The following CYP39A1 variants were observed in gnomAD, a reference collection of about 807,000 sequenced individuals.
CYP39A1 encodes 24-hydroxycholesterol 7-alpha-hydroxylase.
In CYP39A1, 49 loss-of-function variants were observed where a neutral mutation model predicts 58.1. The ratio of observed to expected loss-of-function variants is 0.84; its 90% CI spans 0.67 to 1.07. The LOEUF (loss-of-function observed/expected upper bound fraction) is 1.07. Among genes scored for constraint, CYP39A1 ranks in the 50% least tolerant of loss-of-function variants. The pLI is 0.00. For missense variants in CYP39A1, 531 were observed against 539.4 expected (o/e 0.98, Z 0.16); for synonymous variants, 209 against 187.6 (o/e 1.11, Z -0.93).
At chr6:46,636,290 G>T (rs1226889960) in intron 5 of CYP39A1, 99 bp downstream of exon 5, 2 of 789,486 alleles carry the variant, frequency 2.5e-6, no homozygotes, top group Non-Finnish European at 4.1e-6. Context: ...ACACAAAAAT[G>T]GTATCTAATC....
At chr6:46,584,827 C>A (rs1449889948) in intron 10 of CYP39A1, among the ~76,000 whole-genome samples, 1 of 152,148 alleles carries the variant, frequency 6.6e-6, no homozygotes, top group Non-Finnish European at 1.5e-5. Flanking sequence ...CTTCTGAGAG[C>A]ATCTTGACCA....
chr6:46,560,554 G>A (rs1179539938), intron 10 of CYP39A1, among the ~76,000 whole-genome samples: 1 of 152,144 alleles, frequency 6.6e-6, no homozygotes, highest in African/African-American at 2.4e-5. Context: ...GTAATCTGGA[G>A]CTCAGTTTTG....
At chr6:46,578,309 T>C (rs1378105874) in intron 10 of CYP39A1, among the ~76,000 whole-genome samples, 4 of 151,986 alleles carry the variant, frequency 2.6e-5, no homozygotes, top group Non-Finnish European at 5.9e-5. Context: ...ACCAAATGCC[T>C]ACAACAAGAA....
At chr6:46,648,542 A>G (rs1762475692) in intron 1 of CYP39A1, among the ~76,000 whole-genome samples, 1 of 131,798 alleles carries the variant, frequency 7.6e-6, no homozygotes, top group African/African-American at 2.8e-5. Context: ...GGGGGGAGGG[A>G]TAGCATTAGG....
intron 10 of CYP39A1, among the ~76,000 whole-genome samples, chr6:46,576,125 G>C (rs1771831868): frequency 6.6e-6 from 1 of 152,080 alleles, no homozygotes; most frequent in African/African-American, 2.4e-5. Flanking sequence ...GAAAGAGATG[G>C]GGGATGTGCT....
At chr6:46,639,425 A>C in intron 3 of CYP39A1, 69 bp downstream of exon 3, 2 of 1,445,358 alleles carry the variant, frequency 1.4e-6, no homozygotes, top group South Asian at 2.4e-5. Context: ...TTGAAGTCCA[A>C]TCTATAGGTT....
intron 7 of CYP39A1, among the ~76,000 whole-genome samples, chr6:46,611,493 A>T (rs1774209873): frequency 2.0e-5 from 3 of 152,170 alleles, no homozygotes; most frequent in Admixed American, 1.3e-4. Flanking sequence ...AATATCCCAA[A>T]TCCCATTCTA....
At chr6:46,633,279 T>C (rs562337652) in intron 5 of CYP39A1, among the ~76,000 whole-genome samples, 6 of 152,358 alleles carry the variant, frequency 3.9e-5, no homozygotes, top group African/African-American at 1.2e-4. Context: ...ACAAAGTTTA[T>C]ACCTCATGAA....
At position 46,592,046 on chromosome 6, in the gene CYP39A1, T is replaced by C. The variant is rs76193682; in HGVS notation, c.1066-3917A>G. Among the ~76,000 whole-genome samples, 54 of 152,270 alleles carry C rather than the reference T, an allele frequency of 3.5e-4. 1 individual carries two copies. The highest frequency in any genetic ancestry group is 7.5e-4 in the Non-Finnish European group (51 of 68,006). On this transcript the variant is annotated intron_variant, in intron 8 of 11. Transcript: ENST00000275016. ...TGAAGATAAACTTTTCTACTAAACA[T>C]ATAAAACCTTGAAAAGAGAACACAG... is the stretch of plus-strand genomic sequence containing the variant.
At chr6:46,628,598 C>G (rs1775462422) in intron 6 of CYP39A1, among the ~76,000 whole-genome samples, 1 of 152,186 alleles carries the variant, frequency 6.6e-6, no homozygotes, top group South Asian at 2.1e-4. Context: ...CCTAACCCAT[C>G]TGAAGCCTGA....
At chr6:46,630,901 A>G (rs1289214431) in intron 6 of CYP39A1, 62 bp downstream of exon 6, 2 of 1,192,042 alleles carry the variant, frequency 1.7e-6, no homozygotes, top group African/African-American at 1.5e-5. Flanking sequence ...ACAGAAATGA[A>G]GGAAAAAAAG....
At chr6:46,586,550 G>T in intron 10 of CYP39A1, 2 of 985,444 alleles carry the variant, frequency 2.0e-6, no homozygotes, top group Non-Finnish European at 2.4e-6. Context: ...ACTTGCATTA[G>T]AACAGGGTAT....
chr6:46,556,016 G>GA (rs1293484053), intron 10 of CYP39A1, among the ~76,000 whole-genome samples: 2 of 152,124 alleles, frequency 1.3e-5, no homozygotes, highest in Non-Finnish European at 2.9e-5. Context: ...ATGTTTCTAA[G>GA]AAAAAACAAC....
Position 46,639,522 on chromosome 6 carries a change from C to T in CYP39A1, c.460G>A (p.Gly154Arg). The T allele has an allele frequency of 6.2e-7, 1 of 1,614,092 alleles. No individual in the cohort carries two copies. Among genetic ancestry groups the T allele is most frequent in the Non-Finnish European group, 8.5e-7 (1 of 1,180,000 alleles). ...HEQLENLGTH[G>R]TMDLNNLVRH... ...ACTAAGTTGTTCAGGTCCATTGTCC[C>T]ATGAGTGCCTAAATTCTCCAGTTGT... The change falls in exon 3 of 12, where the codon GGG becomes AGG. Residue 154 changes from glycine (G) to arginine (R), a missense_variant. Physicochemically the swap from Gly to Arg is moderately radical, Grantham distance 125 (BLOSUM62 -2). Coordinates refer to ENST00000275016, the MANE Select transcript of CYP39A1 (RefSeq NM_016593.5).
In CYP39A1 at chr6:46,639,777, C is replaced by T. The variant is rs188984514; in HGVS notation, c.314-109G>A. ...GCAGGGACTACAGCCAAAGTCCTCT[C>T]AGTACATAAGGTCACCTCCCATAAA... On this transcript the variant is annotated intron_variant, in intron 2 of 11. Transcript: ENST00000275016. 3 of 845,434 alleles carry T rather than the reference C, an allele frequency of 3.5e-6. No individual in the cohort carries two copies. The Admixed American group carries it at 8.2e-5, about 23-fold the overall frequency. 52.4% of individuals were successfully genotyped at this position (845,434 alleles called of 1,614,324 possible).
chr6:46,637,174 T>C (rs1310924798), intron 4 of CYP39A1, among the ~76,000 whole-genome samples: 1 of 152,116 alleles, frequency 6.6e-6, no homozygotes, highest in Non-Finnish European at 1.5e-5. Flanking sequence ...GGCCCGCTCA[T>C]TTCAGACCCC....
rs865898321 is a variant in CYP39A1, at chr6:46,616,234, C to T, written c.931+9184G>A. Among the ~76,000 whole-genome samples the T allele has an allele frequency of 2.2e-3, 78 of 35,742 alleles. 8 individuals carry two copies. The highest frequency in any genetic ancestry group is 9.6e-3 in the African/African-American group (52 of 5,394). The allele number at this position is 35,742 out of a possible 152,430, so 23.4% of individuals were successfully genotyped here. A position where few individuals can be genotyped will look rare whatever the true frequency, so the allele number is the denominator to read the frequency against. On this transcript the variant is annotated intron_variant, in intron 7 of 11. Transcript: ENST00000275016. ...TCCCTCCCTCCCTCCCTCCCTCCCT[C>T]CCTCCCTCCCTTCCTTCCTTCCTTT...
chr6:46,625,179 A>G (rs1775233505), intron 7 of CYP39A1, among the ~76,000 whole-genome samples: 1 of 152,140 alleles, frequency 6.6e-6, no homozygotes, highest in Admixed American at 6.6e-5. Context: ...TAGGCAAATC[A>G]CAATCTCTAT....
At chr6:46,616,160 CTTTTT>C (rs376899484) in intron 7 of CYP39A1, among the ~76,000 whole-genome samples, 1 of 11,592 alleles carries the variant, frequency 8.6e-5, no homozygotes, top group Non-Finnish European at 1.4e-4. Context: ...TTCTTTCTTT[CTTTTT>C]TCTTTCTTTC....
Sources: allele counts gnomAD v4.1 joint callset (sites outside exome capture counted in the v4.1 genomes callset), GRCh38; gene constraint gnomAD v4.1.1; transcripts MANE v1.5; gene names NCBI Gene and HGNC (gene_info 2026-07-23, HGNC 2026-07-21).